The following PDZRN4 variants were observed in gnomAD, a reference collection of about 807,000 sequenced individuals.
PDZRN4 encodes the protein PDZ domain-containing RING finger protein 4.
PDZRN4 carries 70 observed loss-of-function variants against 99.0 expected under a neutral mutation model. The ratio of observed to expected loss-of-function variants is 0.71; its 90% CI spans 0.58 to 0.86. The LOEUF (loss-of-function observed/expected upper bound fraction) is 0.86. Ranked by LOEUF, PDZRN4 falls within the 40% of genes least tolerant of loss-of-function variation. The pLI is 0.00. For synonymous variants in PDZRN4, 551 were observed against 501.6 expected (o/e 1.10, Z -1.32); for missense variants, 1,474 against 1,331.2 (o/e 1.11, Z -1.67).
Position 41,509,534 on chromosome 12 carries a change from G to A in PDZRN4, c.1101-277G>A, listed in dbSNP as rs17129423. On this transcript the variant is annotated intron_variant, in intron 4 of 9. Transcript: ENST00000402685. ...CCAGAAAGTATCAATAAAGCACCAC[G>A]GACTGTCAGAGATTTCACATCAGTC... The A allele has an allele frequency of 5.6e-3, 1,166 of 209,550 alleles. 14 individuals carry two copies. The highest frequency in any genetic ancestry group is 0.025 in the African/African-American group (1,066 of 43,410). The allele number at this position is 209,550 out of a possible 1,614,324, so 13.0% of individuals were successfully genotyped here. A position where few individuals can be genotyped will look rare whatever the true frequency, so the allele number is the denominator to read the frequency against.
chr12:41,254,748 G>T (rs1951192883), intron 3 of PDZRN4, among the ~76,000 whole-genome samples: 1 of 152,204 alleles, frequency 6.6e-6, no homozygotes, highest in African/African-American at 2.4e-5. Flanking sequence ...TGCCTAGGCA[G>T]CCATGCCCTT....
chr12:41,485,517 C>G (rs977763125), intron 3 of PDZRN4, among the ~76,000 whole-genome samples: 1 of 152,146 alleles, frequency 6.6e-6, no homozygotes, highest in African/African-American at 2.4e-5. Context: ...TAATCTTTCT[C>G]TCTTTCTCTC....
intron 3 of PDZRN4, among the ~76,000 whole-genome samples, chr12:41,421,537 T>C (rs1214105183): frequency 1.3e-5 from 2 of 152,150 alleles, no homozygotes; most frequent in Admixed American, 6.6e-5. Flanking sequence ...ATAAAATAAA[T>C]GTTGGCACTC....
chr12:41,493,640 C>T (rs1937932428), intron 3 of PDZRN4, among the ~76,000 whole-genome samples: 1 of 152,130 alleles, frequency 6.6e-6, no homozygotes, highest in Non-Finnish European at 1.5e-5. Context: ...TTGGTTACAA[C>T]TCTCCATACA....
chr12:41,567,098 A>G (rs965292285), intron 8 of PDZRN4, among the ~76,000 whole-genome samples: 1 of 151,992 alleles, frequency 6.6e-6, no homozygotes, highest in African/African-American at 2.4e-5. Flanking sequence ...GCCCCACACC[A>G]CTCCACCACC....
chr12:41,539,080 A>G lies in PDZRN4; in HGVS notation c.1204-13576A>G, dbSNP rs930875964. On this transcript the variant is annotated intron_variant, in intron 5 of 9. Coordinates refer to ENST00000402685, the MANE Select transcript of PDZRN4 (RefSeq NM_001164595.2). ...GGTATGTGCACATGCAATTATGCCAATAAGTGATATATGTGTGTATATATA... is the reference window on the plus strand; with the variant it reads ...GGTATGTGCACATGCAATTATGCCAGTAAGTGATATATGTGTGTATATATA... Among the ~76,000 whole-genome samples, 3 of 151,906 alleles carry G rather than the reference A, an allele frequency of 2.0e-5. No individual in the cohort carries two copies. The South Asian group carries it at 6.2e-4, about 31-fold the overall frequency.
At chr12:41,425,320 G>T (rs762081761) in intron 3 of PDZRN4, among the ~76,000 whole-genome samples, 1 of 151,208 alleles carries the variant, frequency 6.6e-6, no homozygotes, top group East Asian at 1.9e-4. Flanking sequence ...TAGAAGCTGG[G>T]CATTATCTAG....
At chr12:41,318,465 C>A (rs1185010268) in intron 3 of PDZRN4, among the ~76,000 whole-genome samples, 1 of 152,182 alleles carries the variant, frequency 6.6e-6, no homozygotes, top group African/African-American at 2.4e-5. Flanking sequence ...AATCCCAACA[C>A]CCAGAGACAA....
At chr12:41,486,920 G>A (rs979427552) in intron 3 of PDZRN4, among the ~76,000 whole-genome samples, 6 of 152,040 alleles carry the variant, frequency 3.9e-5, no homozygotes, top group African/African-American at 1.4e-4. Context: ...CTCTCCTTAG[G>A]TTCCAGCTAG....
Position 41,573,153 on chromosome 12 carries a change from T to G in PDZRN4, c.2374T>G (p.Ser792Ala), listed in dbSNP as rs750091656. ...CGGACAGAGCAGTAAAGAGTCGACC[T>G]CCACCAAAGCCAAAACCACTGAGCA... ...SSGQSSKESTSTKAKTTEQGC... is the reference protein window; with the variant it reads ...SSGQSSKESTATKAKTTEQGC... Residue 792 changes from serine to alanine, a missense_variant, in exon 10 of 10, where the codon TCC becomes GCC. Ser to Ala is a moderately conservative substitution (Grantham distance 99). Coordinates refer to ENST00000402685, the MANE Select transcript of PDZRN4 (RefSeq NM_001164595.2). 2.5e-6 allele frequency: 4 copies of G among 1,614,034 alleles called. No homozygotes were observed. Among genetic ancestry groups the G allele is most frequent in the Non-Finnish European group, 3.4e-6 (4 of 1,180,004 alleles).
In PDZRN4 at chr12:41,311,115, G is replaced by A. The variant is rs538053128; in HGVS notation, c.843+116927G>A. On this transcript the variant is annotated intron_variant, in intron 3 of 9. Transcript: ENST00000402685. ...AGCATTAAATAATTTGATTATCCTT[G>A]TCAACAATTTAGGACGTTATATAAT... Among the ~76,000 whole-genome samples the A allele has an allele frequency of 5.7e-4, 86 of 152,148 alleles. 1 individual carries two copies. The highest frequency in any genetic ancestry group is 1.9e-3 in the African/African-American group (79 of 41,528).
At position 41,404,487 on chromosome 12, in the gene PDZRN4, A is replaced by C. The variant is rs530833193; in HGVS notation, c.844-101969A>C. ...CCCTATACAAGGAAAACTACAAAAC[A>C]CTGCTGAACGAAATCAGAGATGACA... On this transcript the variant is annotated intron_variant, in intron 3 of 9. Coordinates refer to ENST00000402685, the MANE Select transcript of PDZRN4 (RefSeq NM_001164595.2). Among the ~76,000 whole-genome samples, 14 of 152,240 alleles carry C rather than the reference A, an allele frequency of 9.2e-5. No individual in the cohort carries two copies. In the South Asian group the frequency reaches 2.7e-3, roughly 29 times the overall value.
At chr12:41,201,231 C>T (rs568023279) in intron 3 of PDZRN4, among the ~76,000 whole-genome samples, 1 of 150,978 alleles carries the variant, frequency 6.6e-6, no homozygotes, top group South Asian at 2.1e-4. Flanking sequence ...ACAGGCCTCT[C>T]TGCTTTTATT....
At chr12:41,570,971 T>G (rs1454393709) in intron 9 of PDZRN4, among the ~76,000 whole-genome samples, 1 of 152,186 alleles carries the variant, frequency 6.6e-6, no homozygotes, top group Non-Finnish European at 1.5e-5. Flanking sequence ...ATCCTGCCAC[T>G]ACTTTTGTGG....
intron 3 of PDZRN4, among the ~76,000 whole-genome samples, chr12:41,428,230 C>T (rs1309419073): frequency 1.3e-5 from 2 of 152,160 alleles, no homozygotes; most frequent in African/African-American, 4.8e-5. Context: ...CAGGAAAGCA[C>T]ATTCCAGGCT....
intron 3 of PDZRN4, among the ~76,000 whole-genome samples, chr12:41,369,178 T>G (rs1952022662): frequency 6.6e-6 from 1 of 152,072 alleles, no homozygotes; most frequent in Admixed American, 6.6e-5. Flanking sequence ...TTAAATGAAT[T>G]TTATTGGGAA....
At chr12:41,358,633 C>A (rs1336791045) in intron 3 of PDZRN4, among the ~76,000 whole-genome samples, 1 of 151,986 alleles carries the variant, frequency 6.6e-6, no homozygotes, top group Non-Finnish European at 1.5e-5. Context: ...ATCTGAGTGA[C>A]AAGACTGTCC....
At position 41,188,453 on chromosome 12, in the gene PDZRN4, A is replaced by T. The variant is rs1279415075; in HGVS notation, c.-3A>T. On this transcript the variant is annotated 5_prime_UTR_variant, in exon 1 of 10. Coordinates refer to ENST00000402685, the MANE Select transcript of PDZRN4 (RefSeq NM_001164595.2). ...CGCTCCCCCTTTCTTCCCCATCCCTAACATGGGCTTTGCCCTGGAGCGCTT... is the reference window on the plus strand; with the variant it reads ...CGCTCCCCCTTTCTTCCCCATCCCTTACATGGGCTTTGCCCTGGAGCGCTT... 6.3e-7 allele frequency: 1 copy of T among 1,581,050 alleles called. No homozygotes were observed. Among genetic ancestry groups the T allele is most frequent in the Admixed American group, 1.7e-5 (1 of 58,372 alleles).
chr12:41,568,267 C>T (rs1939413900), intron 9 of PDZRN4, among the ~76,000 whole-genome samples: 1 of 152,014 alleles, frequency 6.6e-6, no homozygotes, highest in African/African-American at 2.4e-5. Context: ...ATTTTTTTTA[C>T]TCTAAAATAT....
Sources: gnomAD v4.1 joint callset for allele counts (sites outside exome capture counted in the v4.1 genomes callset) on GRCh38, gnomAD v4.1.1 for gene constraint, MANE v1.5 for transcripts, NCBI Gene and HGNC (gene_info 2026-07-23, HGNC 2026-07-21) for gene names.